SFXN5: variants seen among roughly 807,000 people sequenced by gnomAD.
SFXN5 encodes the protein sideroflexin-5.
A neutral mutation model predicts 50.2 loss-of-function variants in SFXN5; 43 were observed. That is an observed-to-expected ratio of 0.86 (90% CI 0.67 to 1.11). The LOEUF (loss-of-function observed/expected upper bound fraction) is 1.11. Among genes scored for constraint, SFXN5 ranks in the 50% least tolerant of loss-of-function variants. The pLI is 0.00. For missense variants in SFXN5, 463 were observed against 454.1 expected (o/e 1.02, Z -0.18); for synonymous variants, 203 against 185.8 (o/e 1.09, Z -0.75).
intron 10 of SFXN5, among the ~76,000 whole-genome samples, chr2:72,987,645 C>T (rs1347264427): frequency 1.3e-5 from 2 of 152,008 alleles, no homozygotes. Context: ...ATCCCAGCTA[C>T]TTGGGAGCCT....
intron 6 of SFXN5, among the ~76,000 whole-genome samples, chr2:73,012,379 T>C (rs752626273): frequency 2.6e-5 from 4 of 152,084 alleles, no homozygotes; most frequent in African/African-American, 9.7e-5. Context: ...CCAAAGAACA[T>C]ATTCATGTAT....
chr2:73,058,937 G>T, intron 1 of SFXN5: 1 of 483,198 alleles, frequency 2.1e-6, no homozygotes, highest in Non-Finnish European at 2.9e-6. Flanking sequence ...TGAAGGTGAG[G>T]CCTGGTCCCC....
chr2:72,969,421 G>A (rs970097995), intron 11 of SFXN5, among the ~76,000 whole-genome samples: 1 of 151,986 alleles, frequency 6.6e-6, no homozygotes, highest in African/African-American at 2.4e-5. Context: ...TTAGATGGAG[G>A]TCTTGCTCTG....
intron 12 of SFXN5, among the ~76,000 whole-genome samples, chr2:72,963,436 G>A (rs1673987349): frequency 6.6e-6 from 1 of 151,966 alleles, no homozygotes; most frequent in Non-Finnish European, 1.5e-5. Flanking sequence ...CTGAGGCCTG[G>A]GCTCCCAGCT....
At chr2:72,989,665 G>T (rs1672340044) in intron 9 of SFXN5, among the ~76,000 whole-genome samples, 1 of 152,168 alleles carries the variant, frequency 6.6e-6, no homozygotes, top group Non-Finnish European at 1.5e-5. Flanking sequence ...CAAAGGCTGG[G>T]AGTGGGGCTT....
Position 72,944,878 on chromosome 2 carries a change from C to T in SFXN5, c.*144G>A. On this transcript the variant is annotated 3_prime_UTR_variant, in exon 14 of 14. Coordinates refer to ENST00000272433, the MANE Select transcript of SFXN5 (RefSeq NM_144579.3). Reference sequence around the variant, plus strand: ...AAAATGTGAATGGGTCAGTCTCCCTCCACTGTAGGTTGAGCACTCTCCCAG... The same window carrying T: ...AAAATGTGAATGGGTCAGTCTCCCTTCACTGTAGGTTGAGCACTCTCCCAG... The T allele has an allele frequency of 1.5e-6, 1 of 652,002 alleles. No homozygotes were observed. The highest frequency in any genetic ancestry group is 1.9e-5 in the South Asian group (1 of 51,560). The allele number at this position is 652,002 out of a possible 1,614,324, so 40.4% of individuals were successfully genotyped here.
At chr2:73,053,343 A>G (rs1411283714) in intron 2 of SFXN5, 1 of 154,364 alleles carries the variant, frequency 6.5e-6, no homozygotes, top group Non-Finnish European at 1.5e-5. Flanking sequence ...AAGAGCCCCC[A>G]GCCACACCTC....
At chr2:73,030,123 A>G (rs951998686) in intron 3 of SFXN5, among the ~76,000 whole-genome samples, 1 of 152,010 alleles carries the variant, frequency 6.6e-6, no homozygotes, top group Non-Finnish European at 1.5e-5. Context: ...AACGAACAAA[A>G]AAAAACAAAA....
Position 72,961,116 on chromosome 2 carries a change from C to T in SFXN5, c.945+15G>A. On this transcript the variant is annotated intron_variant, in intron 13 of 13. Transcript: ENST00000272433. This position sits in a 1 kb window ranked among gnomAD's most constrained non-coding sequence, Gnocchi z 4.4. ...CCCCCTGCCCTGCCCTGCCCTTGAG[C>T]CCCTCCCCACTGACCTCTGACATTT... is the stretch of plus-strand genomic sequence containing the variant. 1 of 1,546,400 alleles carries T rather than the reference C, an allele frequency of 6.5e-7. No individual in the cohort carries two copies. The highest frequency in any genetic ancestry group is 8.7e-7 in the Non-Finnish European group (1 of 1,143,284).
At chr2:72,954,600 CA>C (rs1672877680) in intron 13 of SFXN5, among the ~76,000 whole-genome samples, 1 of 152,202 alleles carries the variant, frequency 6.6e-6, no homozygotes, top group Non-Finnish European at 1.5e-5. Flanking sequence ...CCCCTGCCCG[CA>C]GCCCCAGCCA....
At chr2:73,020,041 G>C (rs748589015) in intron 6 of SFXN5, 198 bp downstream of exon 6, 21 of 574,880 alleles carry the variant, frequency 3.7e-5, no homozygotes, top group Admixed American at 9.6e-5. Context: ...AAGTCATCAG[G>C]CTTTTTATGA....
At chr2:73,026,001 CCTT>C (rs1020894409) in intron 3 of SFXN5, among the ~76,000 whole-genome samples, 11 of 152,236 alleles carry the variant, frequency 7.2e-5, no homozygotes, top group Non-Finnish European at 1.5e-4. Context: ...GATGGAGACA[CCTT>C]CTCCAGGAAA....
chr2:72,963,832 C>A (rs1057322728), intron 12 of SFXN5, among the ~76,000 whole-genome samples: 1 of 152,160 alleles, frequency 6.6e-6, no homozygotes, highest in Non-Finnish European at 1.5e-5. Flanking sequence ...CTGGGCCTAG[C>A]TTCCTCCTCA....
At chr2:73,017,860 T>C (rs537353904) in intron 6 of SFXN5, among the ~76,000 whole-genome samples, 1 of 152,302 alleles carries the variant, frequency 6.6e-6, no homozygotes, top group Non-Finnish European at 1.5e-5. Context: ...TAAGTATCAT[T>C]TCCCTCTAAA....
chr2:72,999,152 C>T, intron 8 of SFXN5, 138 bp from the exon 9 acceptor site: 1 of 812,230 alleles, frequency 1.2e-6, no homozygotes, highest in Non-Finnish European at 2.0e-6. Context: ...CCCCTCAGGA[C>T]TCAAAGGGAT....
intron 2 of SFXN5, among the ~76,000 whole-genome samples, chr2:73,045,293 G>A (rs146433408): frequency 9.9e-4 from 151 of 152,188 alleles, no homozygotes; most frequent in African/African-American, 3.4e-3. Context: ...CTGTACTCAC[G>A]CCAGCAACCA....
intron 2 of SFXN5, among the ~76,000 whole-genome samples, chr2:73,050,375 C>T (rs1394530145): frequency 6.8e-6 from 1 of 148,096 alleles, no homozygotes; most frequent in East Asian, 2.0e-4. Context: ...GGAGGTAGCG[C>T]CGCAGCCACA....
intron 6 of SFXN5, among the ~76,000 whole-genome samples, chr2:73,017,149 T>C (rs1020348197): frequency 3.3e-5 from 5 of 151,960 alleles, no homozygotes; most frequent in East Asian, 1.9e-4. Context: ...GTATATAGTA[T>C]ACTACATTTT....
chr2:73,066,791 A>T (rs891868072), intron 1 of SFXN5, among the ~76,000 whole-genome samples: 2 of 152,162 alleles, frequency 1.3e-5, no homozygotes, highest in Non-Finnish European at 2.9e-5. Context: ...ATTAGAGGCC[A>T]GGGGTTTGAT....
Sources: allele counts gnomAD v4.1 joint callset (sites outside exome capture counted in the v4.1 genomes callset), GRCh38; gene constraint gnomAD v4.1.1; non-coding constraint Gnocchi (gnomAD v3.1); transcripts MANE v1.5; gene names NCBI Gene and HGNC (gene_info 2026-07-23, HGNC 2026-07-21).